PKD2L1: variants seen among roughly 807,000 people sequenced by gnomAD.
The protein encoded by PKD2L1 is polycystin-2-like protein 1.
PKD2L1 carries 77 observed loss-of-function variants against 93.0 expected under a neutral mutation model. The observed-to-expected ratio is 0.83, with a 90% CI of 0.69 to 1.00. The LOEUF (loss-of-function observed/expected upper bound fraction) is 1.00, where lower values mean the gene tolerates loss of function less well. Ranked by LOEUF, PKD2L1 falls within the 50% of genes least tolerant of loss-of-function variation. PKD2L1 has a pLI of 0.00. For synonymous variants in PKD2L1, 390 were observed against 388.0 expected (o/e 1.01, Z -0.06); for missense variants, 977 against 990.9 (o/e 0.99, Z 0.19).
Position 100,294,597 on chromosome 10 carries a change from T to C in PKD2L1, c.1597A>G (p.Asn533Asp). 13 of 1,614,002 alleles carry C rather than the reference T, an allele frequency of 8.1e-6. No homozygotes were observed. In the South Asian group the frequency reaches 1.3e-4, roughly 16 times the overall value. The change falls in exon 9 of 16, where the codon AAC (asparagine) becomes GAC (aspartate). Residue 533 changes from asparagine (N) to aspartate (D), a missense_variant. Asn to Asp is a conservative substitution (Grantham distance 23). Coordinates refer to ENST00000318222, the MANE Select transcript of PKD2L1 (RefSeq NM_016112.3). Reference protein sequence around the residue: ...DFDYNAIDNANRILGPAYFVT... With the variant: ...DFDYNAIDNADRILGPAYFVT... ...AAGTAGGCAGGGCCCAGGATGCGGT[T>C]GGCATTGTCGATAGCATTGTAGTCA...
At chr10:100,306,695 T>C in intron 2 of PKD2L1, among the ~76,000 whole-genome samples, 1 of 151,370 alleles carries the variant, frequency 6.6e-6, no homozygotes, top group East Asian at 1.9e-4. Flanking sequence ...ACTCTTTCTC[T>C]GCTGAAAATA....
chr10:100,301,766 G>A (rs778418165), intron 2 of PKD2L1, among the ~76,000 whole-genome samples: 32 of 152,242 alleles, frequency 2.1e-4, no homozygotes, highest in African/African-American at 7.0e-4. Context: ...CAAAGATGAC[G>A]GGATTAAGAG....
chr10:100,298,719 T>A lies in PKD2L1; in HGVS notation c.574A>T (p.Asn192Tyr). Residue 192 changes from asparagine (N) to tyrosine (Y), a missense_variant, in exon 4 of 16, where the codon AAC becomes TAC. Coordinates refer to ENST00000318222, the MANE Select transcript of PKD2L1 (RefSeq NM_016112.3). ...AGCCTCGGAACCCCCAGCAGCATGT[T>A]CTCATAGTAGATGAAGGAGTGGGAG... ...HGSHSFIYYE[N>Y]MLLGVPRLRQ... 1 of 1,614,106 alleles carries A rather than the reference T, an allele frequency of 6.2e-7. No homozygotes were observed. The highest frequency in any genetic ancestry group is 2.2e-5 in the East Asian group (1 of 44,858).
chr10:100,321,301 T>C (rs1009294762), intron 2 of PKD2L1, among the ~76,000 whole-genome samples: 7 of 151,580 alleles, frequency 4.6e-5, no homozygotes, highest in African/African-American at 1.5e-4. Context: ...CTACTAAAAA[T>C]ACAAAAAAAT....
At chr10:100,314,757 G>A (rs905407440) in intron 2 of PKD2L1, among the ~76,000 whole-genome samples, 8 of 151,738 alleles carry the variant, frequency 5.3e-5, no homozygotes, top group South Asian at 2.1e-4. Flanking sequence ...GAAATGGGCC[G>A]GGTGCGCTGG....
At chr10:100,308,764 C>T (rs1467836933) in intron 2 of PKD2L1, among the ~76,000 whole-genome samples, 3 of 152,182 alleles carry the variant, frequency 2.0e-5, no homozygotes, top group African/African-American at 7.2e-5. Flanking sequence ...ACTAATATAC[C>T]ATGCTATCAC....
At chr10:100,304,815 A>ATT (rs142083909) in intron 2 of PKD2L1, among the ~76,000 whole-genome samples, 1 of 152,228 alleles carries the variant, frequency 6.6e-6, no homozygotes, top group African/African-American at 2.4e-5. Context: ...AAAAAGTTCT[A>ATT]TTGAGGAAGA....
intron 2 of PKD2L1, among the ~76,000 whole-genome samples, chr10:100,322,303 G>A (rs1056523288): frequency 2.5e-4 from 38 of 152,216 alleles, no homozygotes; most frequent in Admixed American, 1.4e-3. Context: ...GAGGTGGGCC[G>A]ATCACTTGAG....
At chr10:100,291,162 G>A (rs1589658689) in intron 12 of PKD2L1, 139 bp downstream of exon 12, 9 of 867,766 alleles carry the variant, frequency 1.0e-5, no homozygotes, top group Non-Finnish European at 1.6e-5. Flanking sequence ...ATGTGCAGCA[G>A]TTTGGGAACT....
At chr10:100,295,262 T>G in intron 7 of PKD2L1, 139 bp from the exon 8 acceptor site, 1 of 669,432 alleles carries the variant, frequency 1.5e-6, no homozygotes, top group Non-Finnish European at 2.6e-6. Flanking sequence ...GAAGGGAGAA[T>G]GATACAAAAA....
chr10:100,319,190 T>C (rs1849173532), intron 2 of PKD2L1, among the ~76,000 whole-genome samples: 1 of 152,244 alleles, frequency 6.6e-6, no homozygotes, highest in Admixed American at 6.5e-5. Flanking sequence ...TGACAGGGAA[T>C]GGCAACTAAT....
chr10:100,311,865 C>CT (rs1010744018), intron 2 of PKD2L1, among the ~76,000 whole-genome samples: 8 of 152,124 alleles, frequency 5.3e-5, no homozygotes, highest in Non-Finnish European at 1.2e-4. Context: ...TATATATACA[C>CT]TTTTTTTGAC....
intron 2 of PKD2L1, 84 bp downstream of exon 2, chr10:100,329,126 TG>T (rs1405687335): frequency 1.5e-6 from 2 of 1,311,988 alleles, no homozygotes; most frequent in African/African-American, 2.9e-5. Context: ...GCTCCACAGA[TG>T]TTGCCCACAG....
intron 2 of PKD2L1, among the ~76,000 whole-genome samples, chr10:100,326,516 C>T (rs572000316): frequency 1.3e-5 from 2 of 152,334 alleles, no homozygotes; most frequent in Admixed American, 1.3e-4. Context: ...CCTCACAGAT[C>T]CCCCAAATCT....
chr10:100,315,889 CT>C (rs1276795670), intron 2 of PKD2L1, among the ~76,000 whole-genome samples: 3 of 152,174 alleles, frequency 2.0e-5, no homozygotes, highest in Non-Finnish European at 4.4e-5. Context: ...ATGGCAATGA[CT>C]TTAGGCCTCC....
At position 100,288,380 on chromosome 10, in the gene PKD2L1, C is replaced by T. The variant is rs763094792; in HGVS notation, c.*16G>A. The T allele has an allele frequency of 5.5e-5, 86 of 1,558,814 alleles. No homozygotes were observed. The highest frequency in any genetic ancestry group is 7.1e-5 in the Non-Finnish European group (80 of 1,129,732). Reference sequence around the variant, plus strand: ...AGAAGATCCTTCATAGACTTTGCTCCGGGAGTGCCTCACACTTAACTCCTC... The same window carrying T: ...AGAAGATCCTTCATAGACTTTGCTCTGGGAGTGCCTCACACTTAACTCCTC... On this transcript the variant is annotated 3_prime_UTR_variant, in exon 16 of 16. Transcript: ENST00000318222.
Position 100,295,045 on chromosome 10 carries a change from C to G in PKD2L1, c.1435G>C (p.Gly479Arg). Residue 479 changes from glycine (G) to arginine (R), a missense_variant, in exon 8 of 16, where the codon GGC becomes CGC. Coordinates refer to ENST00000318222, the MANE Select transcript of PKD2L1 (RefSeq NM_016112.3). ...TLARCAKDIL[G>R]FAVMFFIVFF... Reference sequence around the variant, plus strand: ...ACAATGAAGAACATGACGGCGAAGCCCAGGATGTCCTTGGCACAGCGGGCC... The same window carrying G: ...ACAATGAAGAACATGACGGCGAAGCGCAGGATGTCCTTGGCACAGCGGGCC... The G allele has an allele frequency of 6.2e-7, 1 of 1,614,118 alleles. No homozygotes were observed.
chr10:100,310,555 A>C (rs972044780), intron 2 of PKD2L1, among the ~76,000 whole-genome samples: 14 of 152,240 alleles, frequency 9.2e-5, no homozygotes, highest in Middle Eastern at 3.4e-3. Flanking sequence ...ACCATGAAAA[A>C]TGTATATTAT....
At chr10:100,304,775 A>T (rs1255331991) in intron 2 of PKD2L1, among the ~76,000 whole-genome samples, 5 of 152,162 alleles carry the variant, frequency 3.3e-5, no homozygotes, top group African/African-American at 4.8e-5. Flanking sequence ...GTGAGCCACC[A>T]TGACCAGCAG....
Sources: allele counts gnomAD v4.1 joint callset (sites outside exome capture counted in the v4.1 genomes callset), GRCh38; gene constraint gnomAD v4.1.1; transcripts MANE v1.5; gene names NCBI Gene and HGNC (gene_info 2026-07-23, HGNC 2026-07-21).